SLC35F3: variants seen among roughly 807,000 people sequenced by gnomAD.
The protein encoded by SLC35F3 is solute carrier family 35 member F3.
Under a neutral mutation model 49.9 loss-of-function variants are expected in SLC35F3, and 25 were observed. The observed-to-expected ratio is 0.50, with a 90% CI of 0.37 to 0.70. The LOEUF is 0.70. Ranked by LOEUF, SLC35F3 falls within the 30% of genes least tolerant of loss-of-function variation. SLC35F3 has a pLI of 0.00. For synonymous variants in SLC35F3, 275 were observed against 265.4 expected (o/e 1.04, Z -0.35); for missense variants, 525 against 639.8 (o/e 0.82, Z 1.94).
intron 3 of SLC35F3, among the ~76,000 whole-genome samples, chr1:234,275,104 C>A (rs1459179756): frequency 6.6e-6 from 1 of 152,196 alleles, no homozygotes; most frequent in Non-Finnish European, 1.5e-5. Context: ...GGTTTCTGAG[C>A]ACCGACAAGA....
chr1:234,179,703 A>C (rs999057746), intron 2 of SLC35F3, among the ~76,000 whole-genome samples: 2 of 151,452 alleles, frequency 1.3e-5, no homozygotes, highest in African/African-American at 4.8e-5. Flanking sequence ...AGCCAAGGAC[A>C]TGGCATTAAC....
chr1:234,234,236 T>G (rs146604631), intron 3 of SLC35F3, among the ~76,000 whole-genome samples: 76 of 152,300 alleles, frequency 5.0e-4, no homozygotes, highest in African/African-American at 1.8e-3. Flanking sequence ...GAAAAGGAGA[T>G]GAACAGAGAC....
intron 2 of SLC35F3, among the ~76,000 whole-genome samples, chr1:234,196,382 C>G (rs1666810316): frequency 6.6e-6 from 1 of 152,254 alleles, no homozygotes; most frequent in African/African-American, 2.4e-5. Flanking sequence ...CTGCAGTGAG[C>G]AGTACCTCTG....
chr1:233,959,785 G>C (rs949198923), intron 2 of SLC35F3, among the ~76,000 whole-genome samples: 1 of 152,140 alleles, frequency 6.6e-6, no homozygotes, highest in African/African-American at 2.4e-5. Flanking sequence ...TTAGATCCAC[G>C]CTTCTCAACC....
rs569096288 is a variant in SLC35F3 at position 233,974,675 on chromosome 1, C to T, written c.283+68917C>T. Among the ~76,000 whole-genome samples the T allele has an allele frequency of 3.4e-3, 516 of 152,204 alleles. 1 individual carries two copies. Among genetic ancestry groups the T allele is most frequent in the Non-Finnish European group, 5.2e-3 (351 of 68,014 alleles). ...CTCTTGGGATTGATTTTCATAGTTTCGAAGCAGTGGCTCCATGCTCTCCAC... is the reference window on the plus strand; with the variant it reads ...CTCTTGGGATTGATTTTCATAGTTTTGAAGCAGTGGCTCCATGCTCTCCAC... On this transcript the variant is annotated intron_variant, in intron 2 of 7. Coordinates refer to ENST00000366618, the MANE Select transcript of SLC35F3 (RefSeq NM_173508.4).
At chr1:233,927,451 C>T (rs185070820) in intron 2 of SLC35F3, among the ~76,000 whole-genome samples, 25 of 152,066 alleles carry the variant, frequency 1.6e-4, no homozygotes, top group Non-Finnish European at 3.4e-4. Context: ...AAGATTGATG[C>T]TAAACTCTCT....
At chr1:233,922,548 C>T (rs1662082369) in intron 2 of SLC35F3, among the ~76,000 whole-genome samples, 1 of 145,596 alleles carries the variant, frequency 6.9e-6, no homozygotes, top group Non-Finnish European at 1.5e-5. Flanking sequence ...TGGATATTAG[C>T]CCTTTGTCAG....
At chr1:234,069,091 A>G (rs1572039830) in intron 2 of SLC35F3, among the ~76,000 whole-genome samples, 1 of 115,712 alleles carries the variant, frequency 8.6e-6, no homozygotes, top group South Asian at 2.5e-4. Flanking sequence ...TATATATTAT[A>G]TATTATATTA....
intron 2 of SLC35F3, among the ~76,000 whole-genome samples, chr1:234,168,085 C>T (rs1017233633): frequency 6.6e-6 from 1 of 152,158 alleles, no homozygotes; most frequent in Non-Finnish European, 1.5e-5. Context: ...CCAGGTCAGG[C>T]CTGAGGTCCC....
intron 3 of SLC35F3, among the ~76,000 whole-genome samples, chr1:234,271,789 C>T (rs1254662455): frequency 6.6e-6 from 1 of 152,076 alleles, no homozygotes; most frequent in East Asian, 1.9e-4. Flanking sequence ...CCTTGACCTT[C>T]AATTAATGAG....
At chr1:234,313,480 C>T (rs1246123384) in intron 4 of SLC35F3, among the ~76,000 whole-genome samples, 1 of 152,142 alleles carries the variant, frequency 6.6e-6, no homozygotes, top group Non-Finnish European at 1.5e-5. Context: ...GGCCTGTGTT[C>T]CTTCCTTACC....
intron 2 of SLC35F3, among the ~76,000 whole-genome samples, chr1:233,973,344 A>C (rs770765830): frequency 1.3e-5 from 2 of 152,200 alleles, no homozygotes; most frequent in African/African-American, 2.4e-5. Context: ...GGGTCATTTC[A>C]AGTAGGGGTC....
At chr1:233,965,557 A>G (rs1662890022) in intron 2 of SLC35F3, among the ~76,000 whole-genome samples, 1 of 152,208 alleles carries the variant, frequency 6.6e-6, no homozygotes, top group African/African-American at 2.4e-5. Flanking sequence ...GCTATGTGGC[A>G]TGGGTTAACA....
At chr1:234,099,628 CAAAAA>C (rs1226228682) in intron 2 of SLC35F3, among the ~76,000 whole-genome samples, 13 of 120,634 alleles carry the variant, frequency 1.1e-4, no homozygotes, top group Admixed American at 4.9e-4. Flanking sequence ...AAAAAAAAAA[CAAAAA>C]AAAGATTTTA....
intron 2 of SLC35F3, among the ~76,000 whole-genome samples, chr1:234,138,169 C>T (rs1387216042): frequency 1.3e-5 from 2 of 152,200 alleles, no homozygotes; most frequent in South Asian, 2.1e-4. Flanking sequence ...TTAGGTTACA[C>T]TATATAACAT....
chr1:233,973,289 C>G (rs1663024216), intron 2 of SLC35F3, among the ~76,000 whole-genome samples: 1 of 152,172 alleles, frequency 6.6e-6, no homozygotes, highest in Non-Finnish European at 1.5e-5. Context: ...GTGAAAGGTG[C>G]CATGGAAAGC....
intron 2 of SLC35F3, among the ~76,000 whole-genome samples, chr1:234,139,951 T>TAATAAAAAATAAAATAA (rs1553308863): frequency 2.2e-5 from 2 of 90,564 alleles, no homozygotes; most frequent in Non-Finnish European, 2.3e-5. Flanking sequence ...CATCTCAAAA[T>TAATAAAAAATAAAATAA]AATAAAATAA....
rs930801977 is a variant in SLC35F3, at chr1:234,183,125, T to C, written c.284-48292T>C. ...TCCACCTTGCAGATTCAAGCAATTC[T>C]CATGCCTCAGCCTCCTGAGTAACTG... On this transcript the variant is annotated intron_variant, in intron 2 of 7. Coordinates refer to ENST00000366618, the MANE Select transcript of SLC35F3 (RefSeq NM_173508.4). 6.9e-4 allele frequency among the ~76,000 whole-genome samples: 99 copies of C among 143,168 alleles called. 5 individuals are homozygous for C. Among genetic ancestry groups the C allele is most frequent in the African/African-American group, 2.3e-3 (97 of 41,284 alleles). The allele number at this position is 143,168 out of a possible 152,430, so 93.9% of individuals were successfully genotyped here.
At chr1:234,279,628 G>A (rs774946953) in intron 3 of SLC35F3, among the ~76,000 whole-genome samples, 14 of 152,100 alleles carry the variant, frequency 9.2e-5, no homozygotes, top group Admixed American at 6.5e-4. Context: ...CACTGAAATC[G>A]TGCAGGGCTA....
Sources: allele counts gnomAD v4.1 joint callset (sites outside exome capture counted in the v4.1 genomes callset), GRCh38; gene constraint gnomAD v4.1.1; transcripts MANE v1.5; gene names NCBI Gene and HGNC (gene_info 2026-07-23, HGNC 2026-07-21).